The following ADAMTS6 variants were observed in gnomAD, a reference collection of about 807,000 sequenced individuals.
ADAMTS6 encodes the protein ADAM metallopeptidase with thrombospondin type 1 motif 6.
A neutral mutation model predicts 144.3 loss-of-function variants in ADAMTS6; 23 were observed. The observed-to-expected ratio is 0.16, with a 90% CI of 0.11 to 0.23. ADAMTS6 has a LOEUF of 0.23. ADAMTS6 is among the 10% of genes least tolerant of loss of function. The pLI, the probability that ADAMTS6 is intolerant of heterozygous loss-of-function variation, is 1.00. For missense variants in ADAMTS6, 999 were observed against 1,379.6 expected, an observed-to-expected ratio of 0.72 and a Z score of 4.37; for synonymous variants, 444 against 457.5, an observed-to-expected ratio of 0.97 and a Z score of 0.38.
At chr5:65,322,931 T>A (rs1745766777) in intron 9 of ADAMTS6, among the ~76,000 whole-genome samples, 1 of 152,090 alleles carries the variant, frequency 6.6e-6, no homozygotes, top group Non-Finnish European at 1.5e-5. Context: ...ACAGGAGTGG[T>A]GAGAGAGGGC....
intron 7 of ADAMTS6, among the ~76,000 whole-genome samples, chr5:65,374,699 G>A (rs1423431013): frequency 6.6e-6 from 1 of 152,190 alleles, no homozygotes; most frequent in African/African-American, 2.4e-5. Context: ...GTAATTTACA[G>A]ATTCAATGCC....
At chr5:65,480,319 C>G (rs1761114471) in intron 1 of ADAMTS6, among the ~76,000 whole-genome samples, 1 of 152,008 alleles carries the variant, frequency 6.6e-6, no homozygotes, top group South Asian at 2.1e-4. Context: ...CACCTCCCCC[C>G]GCCCCCACCA....
chr5:65,275,338 TGAA>T (rs1762385650), intron 11 of ADAMTS6, among the ~76,000 whole-genome samples: 4 of 68,266 alleles, frequency 5.9e-5, no homozygotes, highest in African/African-American at 5.9e-5. Context: ...CAGAGAGAAA[TGAA>T]GAAAGAAAGA....
chr5:65,316,855 G>T (rs1181551711), intron 9 of ADAMTS6, among the ~76,000 whole-genome samples: 2 of 151,882 alleles, frequency 1.3e-5, no homozygotes, highest in Non-Finnish European at 2.9e-5. Context: ...AGGCTGGAGT[G>T]CAATATCGCA....
At chr5:65,229,838 T>G (rs530497952) in intron 15 of ADAMTS6, among the ~76,000 whole-genome samples, 1 of 152,096 alleles carries the variant, frequency 6.6e-6, no homozygotes, top group Non-Finnish European at 1.5e-5. Context: ...TGGAATAGGC[T>G]TATTTAAAGA....
At chr5:65,303,992 G>A (rs1052043306) in intron 9 of ADAMTS6, among the ~76,000 whole-genome samples, 2 of 152,106 alleles carry the variant, frequency 1.3e-5, no homozygotes, top group Admixed American at 6.6e-5. Flanking sequence ...TAAAAAATCA[G>A]ATGTATGTAA....
chr5:65,287,261 G>A (rs1454086595), intron 11 of ADAMTS6, among the ~76,000 whole-genome samples: 2 of 151,992 alleles, frequency 1.3e-5, no homozygotes, highest in Non-Finnish European at 2.9e-5. Context: ...AAGGTCCCCC[G>A]ACCACCTCTC....
In ADAMTS6 at chr5:65,268,769, TTCCCA is replaced by T. The variant is rs144258786; in HGVS notation, c.1620+4566_1620+4570del. On this transcript the variant is annotated intron_variant, in intron 12 of 24. Coordinates refer to ENST00000381055, the MANE Select transcript of ADAMTS6 (RefSeq NM_197941.4). Reference sequence around the variant, plus strand: ...CATCTGTTAAATGTGCATGGAACAGTTCCCATACTTACATGGAACATTTGTGGAAC... The same window carrying T: ...CATCTGTTAAATGTGCATGGAACAGTTACTTACATGGAACATTTGTGGAAC... 1.6e-3 allele frequency among the ~76,000 whole-genome samples: 249 copies of T among 152,312 alleles called. 4 individuals carry two copies. The highest frequency in any genetic ancestry group is 0.014 in the East Asian group (71 of 5,178).
chr5:65,302,949 C>A (rs1355401727), intron 9 of ADAMTS6, among the ~76,000 whole-genome samples: 1 of 152,112 alleles, frequency 6.6e-6, no homozygotes, highest in East Asian at 1.9e-4. Context: ...AAAATCCTAT[C>A]TCCTGTCTTA....
chr5:65,353,621 G>A (rs1749055635), intron 7 of ADAMTS6, among the ~76,000 whole-genome samples: 1 of 151,784 alleles, frequency 6.6e-6, no homozygotes, highest in Non-Finnish European at 1.5e-5. Context: ...AATGTTCTCA[G>A]ATTTAAAAAC....
In ADAMTS6 at chr5:65,224,357, A is replaced by C; in HGVS notation, c.2235T>G (p.Ile745Met). ...VVQIPRGSVH[I>M]EVREVAMSKN... is the part of the protein sequence containing the mutation. ...TTGACATGGCAACTTCTCTAACTTCAATGTGAACAGAGCCTCTTGGTATCT... is the reference window on the plus strand; with the variant it reads ...TTGACATGGCAACTTCTCTAACTTCCATGTGAACAGAGCCTCTTGGTATCT... The change falls in exon 18 of 25, where the codon ATT (isoleucine) becomes ATG (methionine). Residue 745 changes from isoleucine (I) to methionine (M), a missense_variant. Ile to Met is a conservative substitution (Grantham distance 10, BLOSUM62 1). Transcript: ENST00000381055. 1.2e-6 allele frequency: 2 copies of C among 1,614,114 alleles called. No individual in the cohort carries two copies. Among genetic ancestry groups the C allele is most frequent in the Non-Finnish European group, 1.7e-6 (2 of 1,180,008 alleles).
At chr5:65,459,002 T>A (rs1759441830) in intron 4 of ADAMTS6, among the ~76,000 whole-genome samples, 1 of 152,126 alleles carries the variant, frequency 6.6e-6, no homozygotes, top group Non-Finnish European at 1.5e-5. Context: ...CTATGTTATA[T>A]CCACTGTTTC....
chr5:65,352,183 T>A (rs964470683), intron 7 of ADAMTS6, among the ~76,000 whole-genome samples: 22 of 151,842 alleles, frequency 1.4e-4, no homozygotes, highest in Admixed American at 1.3e-4. Context: ...AGTGATAAAA[T>A]AAGAAAAAAG....
chr5:65,435,296 C>A (rs1757303848), intron 7 of ADAMTS6, among the ~76,000 whole-genome samples: 1 of 152,082 alleles, frequency 6.6e-6, no homozygotes, highest in African/African-American at 2.4e-5. Context: ...ATAGTGGTTA[C>A]CTCAAAGCAA....
intron 18 of ADAMTS6, among the ~76,000 whole-genome samples, chr5:65,218,326 T>TC: frequency 6.6e-6 from 1 of 151,096 alleles, no homozygotes; most frequent in Middle Eastern, 3.5e-3. Flanking sequence ...AAAGCAAACA[T>TC]CAAAAGGATC....
chr5:65,203,992 G>A (rs1755912341), intron 20 of ADAMTS6, among the ~76,000 whole-genome samples: 1 of 152,108 alleles, frequency 6.6e-6, no homozygotes, highest in South Asian at 2.1e-4. Context: ...TCGTGTTAGG[G>A]AAGAATATAA....
chr5:65,427,803 A>G (rs896938099), intron 7 of ADAMTS6, among the ~76,000 whole-genome samples: 21 of 152,124 alleles, frequency 1.4e-4, no homozygotes, highest in Admixed American at 2.6e-4. Flanking sequence ...GTCTCAAAAA[A>G]AAAAAAACAA....
intron 7 of ADAMTS6, among the ~76,000 whole-genome samples, chr5:65,434,791 A>C (rs920196346): frequency 6.6e-6 from 1 of 152,226 alleles, no homozygotes; most frequent in Non-Finnish European, 1.5e-5. Context: ...GCTTTGGGGC[A>C]TGTGAATTGG....
chr5:65,337,452 T>A (rs543820043), intron 7 of ADAMTS6, among the ~76,000 whole-genome samples: 1 of 152,232 alleles, frequency 6.6e-6, no homozygotes, highest in African/African-American at 2.4e-5. Context: ...ATGTATAAAT[T>A]CCTGATTCTT....
Sources: allele counts gnomAD v4.1 joint callset (sites outside exome capture counted in the v4.1 genomes callset), GRCh38; gene constraint gnomAD v4.1.1; transcripts MANE v1.5; gene names NCBI Gene and HGNC (gene_info 2026-07-23, HGNC 2026-07-21).